The following COL25A1 variants were observed in gnomAD, a reference collection of about 807,000 sequenced individuals.
COL25A1 encodes the protein collagen alpha-1(XXV) chain.
Under a neutral mutation model 128.4 loss-of-function variants are expected in COL25A1, and 103 were observed. The observed-to-expected ratio is 0.80, with a 90% CI of 0.68 to 0.94. The LOEUF (loss-of-function observed/expected upper bound fraction) is 0.94, where lower values mean the gene tolerates loss of function less well. Ranked by LOEUF, COL25A1 falls within the 40% of genes least tolerant of loss-of-function variation. The pLI is 0.00. For synonymous variants in COL25A1, 279 were observed against 277.2 expected (o/e 1.01, Z -0.06); for missense variants, 745 against 840.0 (o/e 0.89, Z 1.40).
At chr4:108,990,419 C>T (rs1042470739) in intron 6 of COL25A1, among the ~76,000 whole-genome samples, 5 of 151,290 alleles carry the variant, frequency 3.3e-5, no homozygotes, top group Non-Finnish European at 7.4e-5. Flanking sequence ...TGAACTAAAA[C>T]TTTGCTCTCT....
At chr4:108,975,512 C>T (rs946936271) in intron 6 of COL25A1, among the ~76,000 whole-genome samples, 7 of 152,170 alleles carry the variant, frequency 4.6e-5, no homozygotes, top group Admixed American at 3.3e-4. Context: ...ATATTCATTT[C>T]TGCTGGGTGT....
intron 3 of COL25A1, among the ~76,000 whole-genome samples, chr4:109,175,029 C>A (rs1773961743): frequency 6.6e-6 from 1 of 152,152 alleles, no homozygotes; most frequent in Non-Finnish European, 1.5e-5. Flanking sequence ...TAACTAATGC[C>A]TGGTGATCTG....
At chr4:109,089,669 G>C (rs1442903028) in intron 3 of COL25A1, among the ~76,000 whole-genome samples, 1 of 152,026 alleles carries the variant, frequency 6.6e-6, no homozygotes, top group Non-Finnish European at 1.5e-5. Context: ...ACAATGGCAT[G>C]ATCTCGGCTC....
intron 8 of COL25A1, among the ~76,000 whole-genome samples, chr4:108,972,541 G>T (rs1472516256): frequency 1.3e-5 from 2 of 152,166 alleles, no homozygotes; most frequent in Non-Finnish European, 2.9e-5. Context: ...AGACAGGCAA[G>T]TCAGTGGGTT....
At chr4:109,105,841 C>A (rs1766377797) in intron 3 of COL25A1, among the ~76,000 whole-genome samples, 1 of 152,186 alleles carries the variant, frequency 6.6e-6, no homozygotes, top group African/African-American at 2.4e-5. Flanking sequence ...GCAGCTTTTC[C>A]TTTTAAATAC....
intron 19 of COL25A1, among the ~76,000 whole-genome samples, chr4:108,869,805 G>A (rs763537056): frequency 5.3e-5 from 8 of 152,064 alleles, no homozygotes; most frequent in Non-Finnish European, 1.0e-4. Context: ...TTTGTTCTCA[G>A]TTCCTGTTTT....
chr4:108,899,122 G>T (rs1742520382), intron 15 of COL25A1, 32 bp downstream of exon 15: 2 of 1,602,904 alleles, frequency 1.2e-6, no homozygotes, highest in East Asian at 2.2e-5. Flanking sequence ...TGGGGAGTAG[G>T]GAGAGAGAAA....
At chr4:109,000,423 C>T (rs1196437596) in intron 6 of COL25A1, among the ~76,000 whole-genome samples, 1 of 152,092 alleles carries the variant, frequency 6.6e-6, no homozygotes, top group Non-Finnish European at 1.5e-5. Context: ...TGACCAAAGT[C>T]CATGCCCCTC....
chr4:109,195,166 G>A (rs1458587761), intron 3 of COL25A1, among the ~76,000 whole-genome samples: 2 of 152,070 alleles, frequency 1.3e-5, no homozygotes, highest in African/African-American at 4.8e-5. Context: ...ATGTGTGACT[G>A]TCTTGCCTTC....
intron 3 of COL25A1, among the ~76,000 whole-genome samples, chr4:109,271,216 T>C (rs531394804): frequency 1.3e-5 from 2 of 152,220 alleles, no homozygotes; most frequent in East Asian, 3.8e-4. Context: ...AGCTGCAAAT[T>C]TCCTAGTAAT....
intron 6 of COL25A1, among the ~76,000 whole-genome samples, chr4:109,001,383 G>GATCCTGTCAGGTAGGCATCTGAT (rs1755364787): frequency 1.3e-5 from 2 of 152,182 alleles, no homozygotes; most frequent in African/African-American, 2.4e-5. Context: ...AGGCATCTGA[G>GATCCTGTCAGGTAGGCATCTGAT]ATCCTGTCAG....
chr4:109,045,039 A>G (rs995450072), intron 5 of COL25A1, among the ~76,000 whole-genome samples: 1 of 152,168 alleles, frequency 6.6e-6, no homozygotes, highest in Non-Finnish European at 1.5e-5. Flanking sequence ...AGATTATTCA[A>G]TGTGAACATG....
chr4:108,984,770 C>T (rs1219240354), intron 6 of COL25A1, among the ~76,000 whole-genome samples: 2 of 152,342 alleles, frequency 1.3e-5, no homozygotes, highest in Non-Finnish European at 2.9e-5. Flanking sequence ...GAGCCGGCTC[C>T]GGCCTTGGCC....
At chr4:108,820,127 C>T (rs1731634034) in intron 35 of COL25A1, among the ~76,000 whole-genome samples, 2 of 152,132 alleles carry the variant, frequency 1.3e-5, no homozygotes, top group African/African-American at 2.4e-5. Context: ...AAGAAGGAGG[C>T]TTAAAAGCTG....
chr4:109,223,127 C>T (rs1384960697), intron 3 of COL25A1, among the ~76,000 whole-genome samples: 2 of 152,164 alleles, frequency 1.3e-5, no homozygotes, highest in African/African-American at 2.4e-5. Context: ...TTGTCAGCCT[C>T]CATTTCCTCA....
intron 3 of COL25A1, among the ~76,000 whole-genome samples, chr4:109,217,798 T>C (rs767852566): frequency 6.6e-6 from 1 of 152,152 alleles, no homozygotes; most frequent in African/African-American, 2.4e-5. Context: ...ATGTAAGTAG[T>C]TGTTATACTG....
intron 3 of COL25A1, among the ~76,000 whole-genome samples, chr4:109,296,160 G>A (rs1171526193): frequency 6.6e-6 from 1 of 151,976 alleles, no homozygotes; most frequent in Non-Finnish European, 1.5e-5. Flanking sequence ...AGTATACCAG[G>A]TATCAGTGTA....
In COL25A1 at chr4:108,889,693, A is replaced by G. The variant is rs907120485; in HGVS notation, c.939+8T>C. 6.2e-7 allele frequency: 1 copy of G among 1,613,086 alleles called. No homozygotes were observed. The highest frequency in any genetic ancestry group is 1.3e-5 in the African/African-American group (1 of 74,900). On this transcript the variant is annotated splice_region_variant and intron_variant, in intron 17 of 37. Coordinates refer to ENST00000399132, the MANE Select transcript of COL25A1 (RefSeq NM_198721.4). The stretch of plus-strand genomic sequence containing the variant: ...CTGGAGTACAAATACTTGCAAGGTT[A>G]TAGTTACCTTAATTCCTGCAGCAGA...
At chr4:108,978,340 C>T (rs1174979641) in intron 6 of COL25A1, among the ~76,000 whole-genome samples, 1 of 152,170 alleles carries the variant, frequency 6.6e-6, no homozygotes, top group African/African-American at 2.4e-5. Context: ...TGACTGAAAT[C>T]CCACTCTTCC....
Sources: gnomAD v4.1 joint callset for allele counts (sites outside exome capture counted in the v4.1 genomes callset) on GRCh38, gnomAD v4.1.1 for gene constraint, MANE v1.5 for transcripts, NCBI Gene and HGNC (gene_info 2026-07-23, HGNC 2026-07-21) for gene names.